The following FERMT2 variants were observed in gnomAD, a reference collection of about 807,000 sequenced individuals.
FERMT2 encodes the protein fermitin family homolog 2.
In FERMT2, 15 loss-of-function variants were observed where a neutral mutation model predicts 82.7. The observed-to-expected ratio is 0.18, with a 90% CI of 0.12 to 0.28. FERMT2 has a LOEUF of 0.28. FERMT2 is among the 10% of genes least tolerant of loss of function. The pLI, the probability that FERMT2 is intolerant of heterozygous loss-of-function variation, is 1.00. For missense variants in FERMT2, 645 were observed against 809.4 expected (o/e 0.80, Z 2.46); for synonymous variants, 274 against 271.5 (o/e 1.01, Z -0.09).
At chr14:52,913,271 A>G (rs1231981544) in intron 3 of FERMT2, among the ~76,000 whole-genome samples, 2 of 152,214 alleles carry the variant, frequency 1.3e-5, no homozygotes, top group African/African-American at 4.8e-5. Context: ...ATCTTTTTGT[A>G]ACCTAAATTT....
intron 3 of FERMT2, among the ~76,000 whole-genome samples, chr14:52,902,969 T>A (rs1887767484): frequency 7.7e-6 from 1 of 129,286 alleles, no homozygotes; most frequent in South Asian, 2.6e-4. Flanking sequence ...AGCAAGTGGA[T>A]CGATCCAAGA....
At chr14:52,905,081 C>G (rs1404159462) in intron 3 of FERMT2, among the ~76,000 whole-genome samples, 2 of 150,808 alleles carry the variant, frequency 1.3e-5, no homozygotes, top group Non-Finnish European at 2.9e-5. Context: ...CCCAGCTACT[C>G]AGGAGGCTGA....
At chr14:52,891,958 A>T (rs899709591) in intron 4 of FERMT2, among the ~76,000 whole-genome samples, 8 of 152,142 alleles carry the variant, frequency 5.3e-5, no homozygotes, top group African/African-American at 1.9e-4. Context: ...TCATGCAGTG[A>T]GCTCACATTA....
Position 52,864,765 on chromosome 14 carries a change from G to C in FERMT2, c.1362C>G (p.Ile454Met), listed in dbSNP as rs373645769. The C allele has an allele frequency of 7.6e-5, 123 of 1,611,800 alleles. No homozygotes were observed. Among genetic ancestry groups the C allele is most frequent in the Admixed American group, 1.0e-4 (6 of 59,848 alleles). The change falls in exon 11 of 15, where the codon ATC (isoleucine) becomes ATG (methionine). Residue 454 changes from isoleucine to methionine, a missense_variant. Physicochemically the swap from Ile to Met is conservative, Grantham distance 10. Coordinates refer to ENST00000341590, the MANE Select transcript of FERMT2 (RefSeq NM_006832.3). ...LIPVAEGMNE[I>M]WLRCDNEKQY... ...AACTTACATTGTCACAACGAAGCCA[G>C]ATTTCATTCATGCCTTCTGCAACTG...
intron 3 of FERMT2, among the ~76,000 whole-genome samples, chr14:52,903,282 A>C (rs1026181927): frequency 1.3e-5 from 2 of 152,198 alleles, no homozygotes; most frequent in Admixed American, 1.3e-4. Context: ...TCATGCCTGT[A>C]ATCTCAGCAC....
rs749703216 is a variant in FERMT2 at position 52,950,362 on chromosome 14, C to T, written c.157+50G>A. On this transcript the variant is annotated intron_variant, in intron 2 of 14. Transcript: ENST00000341590. The stretch of plus-strand genomic sequence containing the variant: ...CCCGTCGTGAGCCTCTTTCCTCCCC[C>T]TACCAATTCTGGGAAGTCATTAGTT... 6 of 1,587,860 alleles carry T rather than the reference C, an allele frequency of 3.8e-6. No homozygotes were observed. In the African/African-American group the frequency reaches 6.7e-5, roughly 18 times the overall value.
In FERMT2 at chr14:52,858,417, T is replaced by C; in HGVS notation, c.2003A>G (p.Asp668Gly). ...GGTAAGTTTGTAGAACATCTCTTCATCTAAACTCTCGTTTTGGTCTTTTGC... is the reference window on the plus strand; with the variant it reads ...GGTAAGTTTGTAGAACATCTCTTCACCTAAACTCTCGTTTTGGTCTTTTGC... Reference protein sequence around the residue: ...TRAKDQNESLDEEMFYKLTSG... With the variant: ...TRAKDQNESLGEEMFYKLTSG... The change falls in exon 15 of 15, where the codon GAT (aspartate) becomes GGT (glycine). Residue 668 changes from aspartate to glycine, a missense_variant. Asp to Gly is a moderately conservative substitution (Grantham distance 94). Coordinates refer to ENST00000341590, the MANE Select transcript of FERMT2 (RefSeq NM_006832.3). 2.5e-6 allele frequency: 4 copies of C among 1,614,190 alleles called. No homozygotes were observed. The highest frequency in any genetic ancestry group is 1.7e-5 in the Admixed American group (1 of 60,014).
At chr14:52,860,672 A>G in intron 12 of FERMT2, 1 of 574,672 alleles carries the variant, frequency 1.7e-6, no homozygotes, top group Non-Finnish European at 3.0e-6. Flanking sequence ...TTCAGTTTTC[A>G]TATATCAACA....
intron 3 of FERMT2, among the ~76,000 whole-genome samples, chr14:52,900,130 T>C (rs1046471541): frequency 1.3e-5 from 2 of 152,088 alleles, no homozygotes; most frequent in Non-Finnish European, 2.9e-5. Flanking sequence ...GTTTTAAAGA[T>C]AGGGGCTCAC....
intron 2 of FERMT2, among the ~76,000 whole-genome samples, chr14:52,920,791 A>G (rs1442313126): frequency 6.6e-6 from 1 of 151,566 alleles, no homozygotes; most frequent in African/African-American, 2.4e-5. Context: ...CATCTCTACA[A>G]AAAATTAGCT....
intron 2 of FERMT2, among the ~76,000 whole-genome samples, chr14:52,931,306 G>A (rs918100578): frequency 1.3e-5 from 2 of 152,184 alleles, no homozygotes; most frequent in African/African-American, 4.8e-5. Flanking sequence ...CATTAAACGT[G>A]AAAGATTAAT....
At chr14:52,869,545 A>G (rs1470579877) in intron 10 of FERMT2, among the ~76,000 whole-genome samples, 4 of 152,226 alleles carry the variant, frequency 2.6e-5, no homozygotes, top group African/African-American at 7.2e-5. Context: ...GCCTAGTGAC[A>G]CTGTAGCTGT....
intron 2 of FERMT2, among the ~76,000 whole-genome samples, chr14:52,927,592 TA>T (rs71125150): frequency 0.17 from 5,481 of 33,072 alleles, 129 homozygotes; most frequent in Middle Eastern, 0.27. Flanking sequence ...CTCATCCCTA[TA>T]AAAAAAAAAA....
At chr14:52,860,197 A>T in intron 13 of FERMT2, 144 bp downstream of exon 13, 1 of 609,290 alleles carries the variant, frequency 1.6e-6, no homozygotes, top group South Asian at 2.8e-5. Flanking sequence ...TACAAAATAC[A>T]TTCTAACAGT....
At chr14:52,883,640 C>G (rs990499296) in intron 4 of FERMT2, among the ~76,000 whole-genome samples, 3 of 152,208 alleles carry the variant, frequency 2.0e-5, no homozygotes, top group African/African-American at 4.8e-5. Flanking sequence ...GATACTCCCC[C>G]TAAATCACTG....
rs193130172 is a variant in FERMT2, at chr14:52,945,246, T to G, written c.157+5166A>C. Among the ~76,000 whole-genome samples the G allele has an allele frequency of 9.3e-3, 1,415 of 152,024 alleles. 21 individuals are homozygous for G. Among genetic ancestry groups the G allele is most frequent in the African/African-American group, 0.032 (1,321 of 41,462 alleles). On this transcript the variant is annotated intron_variant, in intron 2 of 14. Coordinates refer to ENST00000341590, the MANE Select transcript of FERMT2 (RefSeq NM_006832.3). ...TGTTCTATGTTTTTTTGTTGTTGTT[T>G]TTTTTTTGTGGGTTGGGGGCGGGGG...
At chr14:52,927,662 T>C (rs1157298751) in intron 2 of FERMT2, among the ~76,000 whole-genome samples, 2 of 141,676 alleles carry the variant, frequency 1.4e-5, no homozygotes, top group Non-Finnish European at 3.0e-5. Flanking sequence ...CCTAGCTACC[T>C]GGAGGCTGAG....
chr14:52,921,293 T>A (rs1888942643), intron 2 of FERMT2, among the ~76,000 whole-genome samples: 1 of 152,242 alleles, frequency 6.6e-6, no homozygotes, highest in Admixed American at 6.5e-5. Context: ...ATAAGTATTT[T>A]AATGGGAGAA....
chr14:52,878,560 A>G (rs1280525248), intron 7 of FERMT2, 22 bp downstream of exon 7: 1 of 1,465,120 alleles, frequency 6.8e-7, no homozygotes, highest in Non-Finnish European at 9.5e-7. Flanking sequence ...AATAAGTCCC[A>G]TTTACTAGAC....
Sources: gnomAD v4.1 joint callset for allele counts (sites outside exome capture counted in the v4.1 genomes callset) on GRCh38, gnomAD v4.1.1 for gene constraint, MANE v1.5 for transcripts, NCBI Gene and HGNC (gene_info 2026-07-23, HGNC 2026-07-21) for gene names.